The following TEX10 variants were observed in gnomAD, a reference collection of about 807,000 sequenced individuals.
TEX10 encodes the protein testis-expressed protein 10.
In TEX10, 24 loss-of-function variants were observed where a neutral mutation model predicts 104.4. That is an observed-to-expected ratio of 0.23 (90% CI 0.17 to 0.32). The LOEUF is 0.32. TEX10 is among the 10% of genes least tolerant of loss of function. The pLI is 1.00. For synonymous variants in TEX10, 396 were observed against 393.4 expected, an observed-to-expected ratio of 1.01 and a Z score of -0.08; for missense variants, 921 against 1,083.9, an observed-to-expected ratio of 0.85 and a Z score of 2.11.
Position 100,340,274 on chromosome 9 carries a change from C to T in TEX10, c.1233G>A (p.Arg411=). The T allele has an allele frequency of 1.9e-6, 3 of 1,564,998 alleles. No homozygotes were observed. The highest frequency in any genetic ancestry group is 2.6e-6 in the Non-Finnish European group (3 of 1,162,558). Residue 411 remains arginine (R), a synonymous_variant, in exon 5 of 15, where the codon AGG becomes AGA. Coordinates refer to ENST00000374902, the MANE Select transcript of TEX10 (RefSeq NM_017746.4). ...CATAATACCTTTTATTTGGCTCTTT[C>T]CTTTTGTGCTTGGTTATTTCTTTTA... ...YVLKEITKHK[R]KEPNKSIKHC...
At chr9:100,303,881 G>A (rs1834079406) in intron 13 of TEX10, 39 bp from the exon 14 acceptor site, 2 of 1,597,448 alleles carry the variant, frequency 1.3e-6, no homozygotes, top group Admixed American at 3.4e-5. Flanking sequence ...GTGAGCAAAT[G>A]CCCACAGGAA....
intron 10 of TEX10, 124 bp from the exon 11 acceptor site, chr9:100,320,522 G>A (rs780964397): frequency 6.5e-6 from 7 of 1,073,676 alleles, no homozygotes; most frequent in Non-Finnish European, 9.0e-6. Flanking sequence ...TGTTTTCTCT[G>A]AGCTTCTGCA....
In TEX10 at chr9:100,352,752, G is replaced by T. The variant is rs1004648539; in HGVS notation, c.-10+20C>A. ...CCCGCGCCCCGGGAGGACCCGGCCC[G>T]ACGGGCGACGGCCGCTTACCTGAGG... On this transcript the variant is annotated intron_variant, in intron 1 of 14. Transcript: ENST00000374902. The T allele has an allele frequency of 8.6e-7, 1 of 1,157,450 alleles. No homozygotes were observed. Among genetic ancestry groups the T allele is most frequent in the Non-Finnish European group, 1.1e-6 (1 of 941,658 alleles). 71.7% of individuals were successfully genotyped at this position (1,157,450 alleles called of 1,614,324 possible). A position where few individuals can be genotyped will look rare whatever the true frequency, so the allele number is the denominator to read the frequency against.
rs1199667861 is a variant in TEX10 at position 100,303,852 on chromosome 9, C to G, written c.2466-10G>C. 6.2e-7 allele frequency: 1 copy of G among 1,613,466 alleles called. No individual in the cohort carries two copies. Among genetic ancestry groups the G allele is most frequent in the Non-Finnish European group, 8.5e-7 (1 of 1,179,836 alleles). On this transcript the variant is annotated splice_polypyrimidine_tract_variant and intron_variant, in intron 13 of 14. Transcript: ENST00000374902. ...CCCCCACAGCTTGTCCCTACAATAA[C>G]AGAGACAGAAATGAGTCAGTGAGCA...
rs116584484 is a variant in TEX10, at chr9:100,352,593, C to A, written c.-10+179G>T. On this transcript the variant is annotated intron_variant, in intron 1 of 14. Coordinates refer to ENST00000374902, the MANE Select transcript of TEX10 (RefSeq NM_017746.4). The stretch of plus-strand genomic sequence containing the variant: ...CAAACGCCCTAGGGGGTCCCGCCCC[C>A]GCAGTGCCGGCCGCACACCCAGGCC... 1.3e-3 allele frequency: 1,927 copies of A among 1,503,002 alleles called. 18 individuals are homozygous for A. In the African/African-American group the frequency reaches 0.025, roughly 19 times the overall value. 93.1% of individuals were successfully genotyped at this position (1,503,002 alleles called of 1,614,324 possible). A position where few individuals can be genotyped will look rare whatever the true frequency, so the allele number is the denominator to read the frequency against.
rs113651184 is a variant in TEX10, at chr9:100,310,453, T to C, written c.2203-74A>G. 2.0e-4 allele frequency: 272 copies of C among 1,374,104 alleles called. 1 individual carries two copies. In the African/African-American group the frequency reaches 3.4e-3, roughly 17 times the overall value. The allele number at this position is 1,374,104 out of a possible 1,614,324, so 85.1% of individuals were successfully genotyped here. ...AGAAACAAGTTCAACAGATTCTTTTTTTTGAGACAGAGTTTCACTCTGTCG... is the reference window on the plus strand; with the variant it reads ...AGAAACAAGTTCAACAGATTCTTTTCTTTGAGACAGAGTTTCACTCTGTCG... On this transcript the variant is annotated intron_variant, in intron 11 of 14. Coordinates refer to ENST00000374902, the MANE Select transcript of TEX10 (RefSeq NM_017746.4).
chr9:100,337,452 T>C (rs1311484307), intron 5 of TEX10, among the ~76,000 whole-genome samples: 1 of 152,234 alleles, frequency 6.6e-6, no homozygotes, highest in African/African-American at 2.4e-5. Flanking sequence ...CCATCAATAC[T>C]TTGAGAGTTC....
chr9:100,316,335 T>C (rs777888226), intron 11 of TEX10, among the ~76,000 whole-genome samples: 1 of 152,158 alleles, frequency 6.6e-6, no homozygotes, highest in Non-Finnish European at 1.5e-5. Context: ...CCCTTCATGA[T>C]AAAAACCCTC....
chr9:100,328,728 G>C (rs972893897), intron 7 of TEX10, among the ~76,000 whole-genome samples: 1 of 152,052 alleles, frequency 6.6e-6, no homozygotes, highest in Non-Finnish European at 1.5e-5. Flanking sequence ...CTCTTTTGTT[G>C]TCTCTCTCTG....
intron 4 of TEX10, among the ~76,000 whole-genome samples, chr9:100,342,409 CCA>C (rs1302432241): frequency 6.6e-6 from 1 of 152,100 alleles, no homozygotes; most frequent in Non-Finnish European, 1.5e-5. Context: ...CTCTGTAGCC[CCA>C]GAGTCTAGAA....
chr9:100,328,091 T>A, intron 7 of TEX10, 129 bp from the exon 8 acceptor site: 2 of 647,430 alleles, frequency 3.1e-6, no homozygotes, highest in Non-Finnish European at 4.6e-6. Context: ...TAATACCACA[T>A]TTATTCATTT....
chr9:100,338,001 G>C (rs1835055803), intron 5 of TEX10, among the ~76,000 whole-genome samples: 1 of 152,084 alleles, frequency 6.6e-6, no homozygotes, highest in South Asian at 2.1e-4. Flanking sequence ...GTTAGTTACA[G>C]AGCTACTGTT....
At chr9:100,316,229 T>A (rs1169746400) in intron 11 of TEX10, among the ~76,000 whole-genome samples, 1 of 152,028 alleles carries the variant, frequency 6.6e-6, no homozygotes, top group African/African-American at 2.4e-5. Flanking sequence ...TATACACAAA[T>A]CAATAAATGT....
intron 5 of TEX10, among the ~76,000 whole-genome samples, chr9:100,334,803 T>G (rs1564214889): frequency 6.6e-6 from 1 of 152,082 alleles, no homozygotes; most frequent in Non-Finnish European, 1.5e-5. Context: ...TATCAGGGGT[T>G]ACAGTTGTGC....
intron 14 of TEX10, among the ~76,000 whole-genome samples, chr9:100,302,930 C>CG (rs899070293): frequency 9.8e-5 from 14 of 142,388 alleles, no homozygotes; most frequent in East Asian, 2.1e-4. Context: ...TTTTAACCGC[C>CG]CCCCCCCCAA....
rs190517539 is a variant in TEX10, at chr9:100,319,768, T to G, written c.2202+497A>C. ...TTGCAGCAAGCAGAGATTGCACCAT[T>G]GCACTCTAACCTGGGCAACAAGAGC... On this transcript the variant is annotated intron_variant, in intron 11 of 14. Coordinates refer to ENST00000374902, the MANE Select transcript of TEX10 (RefSeq NM_017746.4). Among the ~76,000 whole-genome samples, 5 of 152,192 alleles carry G rather than the reference T, an allele frequency of 3.3e-5. No individual in the cohort carries two copies. The East Asian group carries it at 9.6e-4, about 29-fold the overall frequency.
At chr9:100,340,876 A>G (rs141825159) in intron 4 of TEX10, among the ~76,000 whole-genome samples, 56 of 152,284 alleles carry the variant, frequency 3.7e-4, no homozygotes, top group Non-Finnish European at 7.1e-4. Context: ...CCTCTTATCC[A>G]AGGTAACCAA....
chr9:100,303,839 G>C lies in TEX10; in HGVS notation c.2469C>G (p.Asp823Glu), dbSNP rs751232681. Residue 823 changes from aspartate (D) to glutamate (E), a missense_variant, in exon 14 of 15, where the codon GAC becomes GAG. Transcript: ENST00000374902. Reference sequence around the variant, plus strand: ...TGGAGACACAGACCCCCCACAGCTTGTCCCTACAATAACAGAGACAGAAAT... The same window carrying C: ...TGGAGACACAGACCCCCCACAGCTTCTCCCTACAATAACAGAGACAGAAAT... Reference protein sequence around the residue: ...KGEAEHLRKRDKLWGVCVSIL... With the variant: ...KGEAEHLRKREKLWGVCVSIL... 8 of 1,613,690 alleles carry C rather than the reference G, an allele frequency of 5.0e-6. No individual in the cohort carries two copies. The highest frequency in any genetic ancestry group is 1.7e-5 in the Admixed American group (1 of 59,988).
At position 100,326,592 on chromosome 9, in the gene TEX10, T is replaced by C. The variant is rs564621749; in HGVS notation, c.1802-113A>G. On this transcript the variant is annotated intron_variant, in intron 8 of 14. Transcript: ENST00000374902. Reference sequence around the variant, plus strand: ...TTATGGGCTAACATTTTATGCTGAATTTTATGAATATCAATTACATAAAAG... The same window carrying C: ...TTATGGGCTAACATTTTATGCTGAACTTTATGAATATCAATTACATAAAAG... The C allele has an allele frequency of 2.5e-3, 2,532 of 1,006,046 alleles. 8 individuals carry two copies. Among genetic ancestry groups the C allele is most frequent in the Non-Finnish European group, 3.3e-3 (2,334 of 716,642 alleles). 62.3% of individuals were successfully genotyped at this position (1,006,046 alleles called of 1,614,324 possible). A position where few individuals can be genotyped will look rare whatever the true frequency, so the allele number is the denominator to read the frequency against.
Sources: gnomAD v4.1 joint callset for allele counts (sites outside exome capture counted in the v4.1 genomes callset) on GRCh38, gnomAD v4.1.1 for gene constraint, MANE v1.5 for transcripts, NCBI Gene and HGNC (gene_info 2026-07-23, HGNC 2026-07-21) for gene names.